PRKCB: variants seen among roughly 807,000 people sequenced by gnomAD.
The protein encoded by PRKCB is protein kinase C beta type.
In PRKCB, 13 loss-of-function variants were observed where a neutral mutation model predicts 81.5. That is an observed-to-expected ratio of 0.16 (90% CI 0.10 to 0.25). PRKCB has a LOEUF of 0.25. PRKCB is among the 10% of genes least tolerant of loss of function. PRKCB has a pLI of 1.00. For synonymous variants in PRKCB, 335 were observed against 321.4 expected, an observed-to-expected ratio of 1.04 and a Z score of -0.45; for missense variants, 509 against 875.7, an observed-to-expected ratio of 0.58 and a Z score of 5.29.
intron 5 of PRKCB, among the ~76,000 whole-genome samples, chr16:24,086,392 GT>G (rs1293494185): frequency 6.6e-6 from 1 of 152,124 alleles, no homozygotes; most frequent in Non-Finnish European, 1.5e-5. Context: ...TGATTGACCT[GT>G]TTAGTCTCTC....
intron 5 of PRKCB, among the ~76,000 whole-genome samples, chr16:24,065,828 G>A (rs9930808): frequency 0.016 from 2,495 of 152,266 alleles, 70 homozygotes; most frequent in African/African-American, 0.056. Context: ...GGGCAACATC[G>A]TGAGATCCCA....
intron 2 of PRKCB, among the ~76,000 whole-genome samples, chr16:23,841,942 C>T (rs1359498466): frequency 1.3e-5 from 2 of 152,026 alleles, no homozygotes; most frequent in Non-Finnish European, 1.5e-5. Context: ...AGGTGTGAGC[C>T]ACTGAACCTG....
At chr16:23,989,611 C>G (rs1249063278) in intron 3 of PRKCB, among the ~76,000 whole-genome samples, 1 of 151,912 alleles carries the variant, frequency 6.6e-6, no homozygotes, top group Non-Finnish European at 1.5e-5. Flanking sequence ...AATTTCCTAC[C>G]TAAGTAAAGA....
chr16:24,119,206 A>G (rs1966769301), intron 8 of PRKCB, among the ~76,000 whole-genome samples: 1 of 151,854 alleles, frequency 6.6e-6, no homozygotes, highest in Non-Finnish European at 1.5e-5. Context: ...GAGAAAAGTT[A>G]TAAAAGCAAG....
intron 2 of PRKCB, among the ~76,000 whole-genome samples, chr16:23,976,156 A>G (rs936531982): frequency 3.3e-5 from 5 of 152,054 alleles, no homozygotes; most frequent in African/African-American, 1.2e-4. Flanking sequence ...AAGAAAAAAA[A>G]ATTCAGGTGT....
At chr16:24,039,551 C>T (rs567728967) in intron 5 of PRKCB, among the ~76,000 whole-genome samples, 1 of 152,286 alleles carries the variant, frequency 6.6e-6, no homozygotes, top group South Asian at 2.1e-4. Flanking sequence ...GTTTAAGCCA[C>T]CCAGTCCATG....
At chr16:24,027,841 C>T (rs1013072446) in intron 3 of PRKCB, among the ~76,000 whole-genome samples, 3 of 152,164 alleles carry the variant, frequency 2.0e-5, no homozygotes, top group East Asian at 1.9e-4. Flanking sequence ...GTGATCATAG[C>T]TCACTGCAGC....
intron 9 of PRKCB, among the ~76,000 whole-genome samples, chr16:24,126,173 G>T (rs1460653178): frequency 6.6e-6 from 1 of 152,266 alleles, no homozygotes; most frequent in East Asian, 1.9e-4. Flanking sequence ...GGTTGGGGAA[G>T]ATGTCTAGCA....
At position 24,080,689 on chromosome 16, in the gene PRKCB, C is replaced by A. The variant is rs533279419; in HGVS notation, c.530-12102C>A. Among the ~76,000 whole-genome samples the A allele has an allele frequency of 2.0e-5, 3 of 152,018 alleles. No individual in the cohort carries two copies. The East Asian group carries it at 5.8e-4, about 29-fold the overall frequency. Reference sequence around the variant, plus strand: ...TAGAAGTAAAATCATAAGAGTAGAGCCCCTGGAAAAATACGGAAACTAACA... The same window carrying A: ...TAGAAGTAAAATCATAAGAGTAGAGACCCTGGAAAAATACGGAAACTAACA... On this transcript the variant is annotated intron_variant, in intron 5 of 16. Transcript: ENST00000643927.
chr16:24,165,097 A>G (rs1028476364), intron 10 of PRKCB, among the ~76,000 whole-genome samples: 4 of 152,114 alleles, frequency 2.6e-5, no homozygotes, highest in African/African-American at 9.7e-5. Context: ...CTGGAGTGCA[A>G]TGGTGCAATC....
In PRKCB at chr16:24,139,838, G is replaced by A. The variant is rs894040917; in HGVS notation, c.1066-14846G>A. ...TATCATCCGAGTTGATCTATACGCCGGATATCACTGCTCTTCTTTTCATCT... is the reference window on the plus strand; with the variant it reads ...TATCATCCGAGTTGATCTATACGCCAGATATCACTGCTCTTCTTTTCATCT... On this transcript the variant is annotated intron_variant, in intron 9 of 16. Coordinates refer to ENST00000643927, the MANE Select transcript of PRKCB (RefSeq NM_002738.7). 3.3e-5 allele frequency among the ~76,000 whole-genome samples: 5 copies of A among 152,160 alleles called. No homozygotes were observed. The East Asian group carries it at 7.7e-4, about 23-fold the overall frequency.
chr16:23,854,727 G>A (rs1962533666), intron 2 of PRKCB, among the ~76,000 whole-genome samples: 1 of 151,910 alleles, frequency 6.6e-6, no homozygotes, highest in Non-Finnish European at 1.5e-5. Context: ...GAAGAGAATA[G>A]AGATGCCTCC....
intron 2 of PRKCB, among the ~76,000 whole-genome samples, chr16:23,859,956 A>G (rs547486821): frequency 3.3e-5 from 5 of 152,256 alleles, no homozygotes; most frequent in African/African-American, 1.2e-4. Flanking sequence ...GGGAGAGCAC[A>G]GGTGAAAATG....
At chr16:23,971,134 A>T (rs79027621) in intron 2 of PRKCB, among the ~76,000 whole-genome samples, 737 of 152,348 alleles carry the variant, frequency 4.8e-3, no homozygotes, top group Admixed American at 7.1e-3. Flanking sequence ...TGAAGTATTC[A>T]CTACTGTTTT....
chr16:23,925,536 G>A (rs1251308055), intron 2 of PRKCB, among the ~76,000 whole-genome samples: 3 of 152,062 alleles, frequency 2.0e-5, no homozygotes, highest in Non-Finnish European at 2.9e-5. Flanking sequence ...TCTTGACATT[G>A]TCTTGTCAGC....
intron 12 of PRKCB, among the ~76,000 whole-genome samples, chr16:24,175,726 C>G (rs1322444739): frequency 6.6e-6 from 1 of 151,762 alleles, no homozygotes; most frequent in Admixed American, 6.6e-5. Flanking sequence ...AATCCCAACG[C>G]TTTGGGAGGC....
intron 5 of PRKCB, among the ~76,000 whole-genome samples, chr16:24,059,978 G>A (rs1596531978): frequency 1.3e-5 from 2 of 152,214 alleles, no homozygotes. Context: ...GATGTGGAAA[G>A]AGGAGTGTAG....
Position 24,219,676 on chromosome 16 carries a change from A to T in PRKCB, c.*4860A>T. The T allele has an allele frequency of 8.2e-7, 1 of 1,212,998 alleles. No homozygotes were observed. Among genetic ancestry groups the T allele is most frequent in the Non-Finnish European group, 1.0e-6 (1 of 973,330 alleles). The allele number at this position is 1,212,998 out of a possible 1,614,324, so 75.1% of individuals were successfully genotyped here. A position where few individuals can be genotyped will look rare whatever the true frequency, so the allele number is the denominator to read the frequency against. On this transcript the variant is annotated 3_prime_UTR_variant, in exon 17 of 17. Coordinates refer to ENST00000643927, the MANE Select transcript of PRKCB (RefSeq NM_002738.7). ...CAGCAACACACACACACACACACAC[A>T]CACACACACACACACACACACACAC...
At chr16:23,861,205 G>A (rs1207539162) in intron 2 of PRKCB, among the ~76,000 whole-genome samples, 1 of 150,250 alleles carries the variant, frequency 6.7e-6, no homozygotes, top group African/African-American at 2.5e-5. Flanking sequence ...GTCTTGCTCT[G>A]TCACCCAGGC....
Sources: allele counts gnomAD v4.1 joint callset (sites outside exome capture counted in the v4.1 genomes callset), GRCh38; gene constraint gnomAD v4.1.1; transcripts MANE v1.5; gene names NCBI Gene and HGNC (gene_info 2026-07-23, HGNC 2026-07-21).